Variants in ANKRD6 observed in about 807,000 individuals in gnomAD.
ANKRD6 encodes the protein ankyrin repeat domain-containing protein 6.
A neutral mutation model predicts 82.3 loss-of-function variants in ANKRD6; 56 were observed. The ratio of observed to expected loss-of-function variants is 0.68; its 90% CI spans 0.55 to 0.85. The LOEUF (loss-of-function observed/expected upper bound fraction) is 0.85, where lower values mean the gene tolerates loss of function less well. Ranked by LOEUF, ANKRD6 falls within the 40% of genes least tolerant of loss-of-function variation. ANKRD6 has a pLI of 0.00. For synonymous variants in ANKRD6, 347 were observed against 352.1 expected, an observed-to-expected ratio of 0.99 and a Z score of 0.16; for missense variants, 852 against 907.6, an observed-to-expected ratio of 0.94 and a Z score of 0.79.
intron 1 of ANKRD6, among the ~76,000 whole-genome samples, chr6:89,539,281 G>A (rs1030007872): frequency 1.3e-5 from 2 of 152,036 alleles, no homozygotes; most frequent in Non-Finnish European, 1.5e-5. Flanking sequence ...TTTAAAATCT[G>A]TTGTTTCATT....
At chr6:89,627,536 A>T (rs751396419) in intron 13 of ANKRD6, 47 bp from the exon 14 acceptor site, 1 of 1,580,028 alleles carries the variant, frequency 6.3e-7, no homozygotes, top group Admixed American at 1.7e-5. Flanking sequence ...GCCAGGGCTC[A>T]CCCTGAGATC....
Position 89,558,369 on chromosome 6 carries a change from A to G in ANKRD6, c.-143-8465A>G, listed in dbSNP as rs143286592. ...GCAAATTGTGGTACAATGGAATATT[A>G]TGGTATACAATGGAATATTATTCAG... is the stretch of plus-strand genomic sequence containing the variant. On this transcript the variant is annotated intron_variant, in intron 1 of 15. Transcript: ENST00000339746. Among the ~76,000 whole-genome samples, 79 of 152,318 alleles carry G rather than the reference A, an allele frequency of 5.2e-4. No homozygotes were observed. In the East Asian group the frequency reaches 0.015, roughly 28 times the overall value.
At chr6:89,454,719 A>T (rs1388141869) in intron 1 of ANKRD6, among the ~76,000 whole-genome samples, 2 of 152,196 alleles carry the variant, frequency 1.3e-5, no homozygotes, top group African/African-American at 4.8e-5. Flanking sequence ...TAAAGTGAAG[A>T]CTACCTGCAT....
intron 9 of ANKRD6, 136 bp downstream of exon 9, chr6:89,618,167 T>C (rs775833468): frequency 5.3e-6 from 5 of 946,866 alleles, no homozygotes; most frequent in African/African-American, 3.2e-5. Context: ...GGTATAGGCA[T>C]GCATGGGGGC....
chr6:89,586,593 A>G (rs1227534377), intron 2 of ANKRD6, among the ~76,000 whole-genome samples: 2 of 152,094 alleles, frequency 1.3e-5, no homozygotes, highest in East Asian at 3.9e-4. Context: ...AGGCTGAGGC[A>G]GGAGAATCAT....
chr6:89,495,001 G>T (rs563855946), intron 1 of ANKRD6, among the ~76,000 whole-genome samples: 1 of 152,118 alleles, frequency 6.6e-6, no homozygotes, highest in African/African-American at 2.4e-5. Flanking sequence ...TTGGGAGGCC[G>T]AGGTGGGCGG....
intron 5 of ANKRD6, among the ~76,000 whole-genome samples, chr6:89,607,015 C>CA (rs1202615750): frequency 1.3e-5 from 2 of 151,980 alleles, no homozygotes; most frequent in African/African-American, 2.4e-5. Context: ...ACTAAAAATA[C>CA]AAAAAATTAG....
intron 1 of ANKRD6, among the ~76,000 whole-genome samples, chr6:89,548,674 C>G (rs953658925): frequency 6.6e-6 from 1 of 152,110 alleles, no homozygotes; most frequent in African/African-American, 2.4e-5. Context: ...TGTAGAAGCC[C>G]AGCATATTAT....
intron 1 of ANKRD6, among the ~76,000 whole-genome samples, chr6:89,551,835 T>A (rs980623168): frequency 4.6e-5 from 7 of 152,234 alleles, no homozygotes; most frequent in African/African-American, 1.7e-4. Flanking sequence ...GAGAGAGATG[T>A]TTATTTTAAG....
At position 89,531,403 on chromosome 6, in the gene ANKRD6, G is replaced by GTTTTCTCTT. The variant is rs1783126505; in HGVS notation, c.-143-35431_-143-35430insTTTTCTCTT. Among the ~76,000 whole-genome samples the GTTTTCTCTT allele has an allele frequency of 2.0e-5, 3 of 152,244 alleles. No homozygotes were observed. In the South Asian group the frequency reaches 6.2e-4, roughly 31 times the overall value. Reference sequence around the variant, plus strand: ...AATGTTTTATCTCCCATTTCTAAGAGAAAAGGCATTAATATCCAACCATGT... The same window carrying GTTTTCTCTT: ...AATGTTTTATCTCCCATTTCTAAGAGTTTTCTCTTAAAAGGCATTAATATCCAACCATGT... On this transcript the variant is annotated intron_variant, in intron 1 of 15. Transcript: ENST00000339746.
intron 1 of ANKRD6, chr6:89,508,740 G>A (rs1780172293): frequency 6.6e-6 from 1 of 152,166 alleles, no homozygotes. Flanking sequence ...GAAATGTTGT[G>A]AATGGTCCCC....
intron 1 of ANKRD6, among the ~76,000 whole-genome samples, chr6:89,533,845 G>A (rs1022673204): frequency 6.6e-6 from 1 of 152,086 alleles, no homozygotes; most frequent in African/African-American, 2.4e-5. Flanking sequence ...CAGTGACTGA[G>A]TGGGAGCCAA....
chr6:89,632,422 GTTT>G lies in ANKRD6; in HGVS notation c.*1422_*1424del, dbSNP rs925817243. On this transcript the variant is annotated 3_prime_UTR_variant, in exon 16 of 16. Coordinates refer to ENST00000339746, the MANE Select transcript of ANKRD6 (RefSeq NM_001242809.2). ...TACCTGAATATGGAATGAATTTGAT[GTTT>G]TTTATTTTGTTGAGACAGGGTCTTG... The G allele has an allele frequency of 6.6e-6, 1 of 152,054 alleles. No homozygotes were observed. Among genetic ancestry groups the G allele is most frequent in the South Asian group, 2.1e-4 (1 of 4,828 alleles). The allele number at this position is 152,054 out of a possible 1,614,324, so 9.4% of individuals were successfully genotyped here.
At chr6:89,488,725 A>G (rs574814156) in intron 1 of ANKRD6, among the ~76,000 whole-genome samples, 1 of 152,202 alleles carries the variant, frequency 6.6e-6, no homozygotes, top group Non-Finnish European at 1.5e-5. Context: ...TTGATTGAAT[A>G]CTTGACTCAT....
chr6:89,442,459 TAA>T (rs34314408), intron 1 of ANKRD6, among the ~76,000 whole-genome samples: 5 of 142,386 alleles, frequency 3.5e-5, no homozygotes, highest in East Asian at 2.1e-4. Flanking sequence ...GCCCATCTAT[TAA>T]AAAAAAAAAA....
At chr6:89,621,819 A>C in intron 9 of ANKRD6, 103 bp from the exon 10 acceptor site, 2 of 1,111,366 alleles carry the variant, frequency 1.8e-6, no homozygotes, top group Non-Finnish European at 2.7e-6. Flanking sequence ...TCACCCTCTA[A>C]GCTGTAAATT....
chr6:89,564,164 C>T (rs981319997), intron 1 of ANKRD6, among the ~76,000 whole-genome samples: 1 of 152,140 alleles, frequency 6.6e-6, no homozygotes, highest in Non-Finnish European at 1.5e-5. Flanking sequence ...GGTTCTGTTC[C>T]TGATCTTGCA....
At chr6:89,604,754 A>G (rs929280648) in intron 4 of ANKRD6, among the ~76,000 whole-genome samples, 2 of 152,084 alleles carry the variant, frequency 1.3e-5, no homozygotes, top group South Asian at 4.2e-4. Flanking sequence ...CACACCGCCA[A>G]TACAGTTCCC....
intron 4 of ANKRD6, among the ~76,000 whole-genome samples, chr6:89,604,613 G>A (rs1486340835): frequency 6.6e-6 from 1 of 152,156 alleles, no homozygotes; most frequent in South Asian, 2.1e-4. Context: ...GAACACACCT[G>A]TGTGAGCACC....
Sources: gnomAD v4.1 joint callset for allele counts (sites outside exome capture counted in the v4.1 genomes callset) on GRCh38, gnomAD v4.1.1 for gene constraint, MANE v1.5 for transcripts, NCBI Gene and HGNC (gene_info 2026-07-23, HGNC 2026-07-21) for gene names.